Variants in CACNA2D2 observed in about 807,000 individuals in gnomAD.
The protein encoded by CACNA2D2 is voltage-dependent calcium channel subunit alpha-2/delta-2.
CACNA2D2 carries 48 observed loss-of-function variants against 166.4 expected under a neutral mutation model. The ratio of observed to expected loss-of-function variants is 0.29; its 90% confidence interval spans 0.23 to 0.37. The LOEUF is 0.37. CACNA2D2 is among the 10% of genes least tolerant of loss of function. The probability of loss-of-function intolerance (pLI) is 1.00; values close to 1 mark genes in which losing one functional copy is unlikely to be tolerated. For missense variants in CACNA2D2, 1,122 were observed against 1,433.0 expected, an observed-to-expected ratio of 0.78 and a Z score of 3.50; for synonymous variants, 561 against 573.7, an observed-to-expected ratio of 0.98 and a Z score of 0.32.
intron 1 of CACNA2D2, among the ~76,000 whole-genome samples, chr3:50,484,482 C>T (rs1046241955): frequency 2.6e-5 from 4 of 152,198 alleles, no homozygotes; most frequent in Non-Finnish European, 4.4e-5. Context: ...TCCCTGACCT[C>T]ACCCCTCGGT....
At chr3:50,414,853 G>A (rs577398578) in intron 3 of CACNA2D2, among the ~76,000 whole-genome samples, 35 of 152,314 alleles carry the variant, frequency 2.3e-4, no homozygotes, top group African/African-American at 7.2e-4. Context: ...GCAGGGCTCC[G>A]GGAGCCCACA....
intron 13 of CACNA2D2, among the ~76,000 whole-genome samples, chr3:50,378,589 T>C (rs1210205549): frequency 6.6e-6 from 1 of 152,206 alleles, no homozygotes; most frequent in Non-Finnish European, 1.5e-5. Context: ...CTGAGGTCCC[T>C]CATTTTAGGG....
At position 50,366,355 on chromosome 3, in the gene CACNA2D2, G is replaced by A; in HGVS notation, c.2638-17C>T. ...GAGTAAGTCCTAGGAGGAAGGGAAT[G>A]GGGAGGAAAATGGAGAGGGGCTGGG... On this transcript the variant is annotated splice_polypyrimidine_tract_variant and intron_variant, in intron 30 of 37. Coordinates refer to ENST00000424201, the MANE Select transcript of CACNA2D2 (RefSeq NM_006030.4). The surrounding 1 kb of genome is among the most constrained non-coding windows in gnomAD (Gnocchi z 5.9). 1 of 1,613,358 alleles carries A rather than the reference G, an allele frequency of 6.2e-7. No individual in the cohort carries two copies. Among genetic ancestry groups the A allele is most frequent in the Non-Finnish European group, 8.5e-7 (1 of 1,179,398 alleles).
chr3:50,450,798 C>A (rs1265523064), intron 2 of CACNA2D2, among the ~76,000 whole-genome samples: 4 of 152,252 alleles, frequency 2.6e-5, no homozygotes, highest in South Asian at 4.1e-4. Flanking sequence ...ACAGTCACAT[C>A]CGCAAGACGC....
chr3:50,411,082 C>T (rs1460376546), intron 3 of CACNA2D2, among the ~76,000 whole-genome samples: 1 of 152,164 alleles, frequency 6.6e-6, no homozygotes, highest in Non-Finnish European at 1.5e-5. Flanking sequence ...TGTGGGGTGG[C>T]TCACTGGGCT....
At chr3:50,422,233 T>C (rs1459416909) in intron 3 of CACNA2D2, among the ~76,000 whole-genome samples, 5 of 152,100 alleles carry the variant, frequency 3.3e-5, no homozygotes, top group African/African-American at 1.2e-4. Context: ...CCCCACTTCC[T>C]GTGGACTGGA....
intron 3 of CACNA2D2, among the ~76,000 whole-genome samples, chr3:50,420,228 A>G (rs1262449531): frequency 1.3e-5 from 2 of 152,168 alleles, no homozygotes; most frequent in Non-Finnish European, 2.9e-5. Context: ...CAAGGGGGAG[A>G]GCAGAAAAGT....
Position 50,468,829 on chromosome 3 carries a change from C to CTT in CACNA2D2, c.288+7287_288+7288dup, listed in dbSNP as rs5848893. Among the ~76,000 whole-genome samples the CTT allele has an allele frequency of 9.7e-3, 1,293 of 133,070 alleles. 13 individuals are homozygous for CTT. The highest frequency in any genetic ancestry group is 0.012 in the African/African-American group (415 of 34,598). The allele number at this position is 133,070 out of a possible 152,430, so 87.3% of individuals were successfully genotyped here. ...TACTCCATTCCATCCCCTTCTCTCT[C>CTT]TTTTTTTTTTTTTTTTTGAGATAGA... is the stretch of plus-strand genomic sequence containing the variant. On this transcript the variant is annotated intron_variant, in intron 2 of 37. Coordinates refer to ENST00000424201, the MANE Select transcript of CACNA2D2 (RefSeq NM_006030.4).
At chr3:50,440,141 T>C (rs1708520751) in intron 2 of CACNA2D2, among the ~76,000 whole-genome samples, 1 of 152,156 alleles carries the variant, frequency 6.6e-6, no homozygotes, top group Non-Finnish European at 1.5e-5. Flanking sequence ...GGCTGCCCCA[T>C]GATGGGTGCA....
intron 2 of CACNA2D2, among the ~76,000 whole-genome samples, chr3:50,473,774 C>T (rs1025990281): frequency 2.6e-5 from 4 of 152,202 alleles, no homozygotes; most frequent in Non-Finnish European, 5.9e-5. Flanking sequence ...GAACTCTACA[C>T]CTCAACCCCC....
At chr3:50,472,334 T>C (rs577292582) in intron 2 of CACNA2D2, among the ~76,000 whole-genome samples, 1 of 152,168 alleles carries the variant, frequency 6.6e-6, no homozygotes, top group Non-Finnish European at 1.5e-5. Context: ...GCGCGCAAGC[T>C]ATGAGTGGTT....
At chr3:50,433,948 G>T (rs1403630846) in intron 3 of CACNA2D2, among the ~76,000 whole-genome samples, 1 of 152,154 alleles carries the variant, frequency 6.6e-6, no homozygotes, top group Admixed American at 6.5e-5. Flanking sequence ...CCAGCAGCAG[G>T]TCACTATCCT....
intron 2 of CACNA2D2, among the ~76,000 whole-genome samples, chr3:50,444,032 C>T (rs559898523): frequency 8.5e-5 from 13 of 152,302 alleles, no homozygotes; most frequent in East Asian, 1.9e-4. Flanking sequence ...CCTCATGAGA[C>T]GGAATTGAGG....
rs1210463730 is a variant in CACNA2D2 at position 50,367,035 on chromosome 3, C to G, written c.2476G>C (p.Gly826Arg). 36 of 1,613,722 alleles carry G rather than the reference C, an allele frequency of 2.2e-5. No individual in the cohort carries two copies. The highest frequency in any genetic ancestry group is 3.1e-5 in the Non-Finnish European group (36 of 1,180,034). Reference protein sequence around the residue: ...LVSTAVELSLGRRTLRPAVVG... With the variant: ...LVSTAVELSLRRRTLRPAVVG... The stretch of plus-strand genomic sequence containing the variant: ...CCTGCTGGCCTCAGTGTGCGCCTGC[C>G]TAGGCTGAGCTCCACAGCTGTGCTG... Residue 826 changes from glycine to arginine, a missense_variant, in exon 28 of 38, where the codon GGC becomes CGC. Coordinates refer to ENST00000424201, the MANE Select transcript of CACNA2D2 (RefSeq NM_006030.4). The surrounding 1 kb of genome is among the most constrained non-coding windows in gnomAD (Gnocchi z 6.5).
Position 50,377,453 on chromosome 3 carries a change from AG to A in CACNA2D2, c.1626+13del, listed in dbSNP as rs1037956450. On this transcript the variant is annotated intron_variant, in intron 17 of 37. Transcript: ENST00000424201. ...TGGGAGGCAGGGTACGCGGATGGGCAGGGGGATGCTCACCGTGTAGTTGGGG... is the reference window on the plus strand; with the variant it reads ...TGGGAGGCAGGGTACGCGGATGGGCAGGGGATGCTCACCGTGTAGTTGGGG... 14 of 1,608,084 alleles carry A rather than the reference AG, an allele frequency of 8.7e-6. No individual in the cohort carries two copies. The highest frequency in any genetic ancestry group is 1.1e-5 in the Non-Finnish European group (13 of 1,175,798).
At chr3:50,470,010 G>A (rs1351108451) in intron 2 of CACNA2D2, among the ~76,000 whole-genome samples, 1 of 152,210 alleles carries the variant, frequency 6.6e-6, no homozygotes, top group Non-Finnish European at 1.5e-5. Flanking sequence ...CAGAGATGCT[G>A]CTCCCACAGA....
Position 50,365,394 on chromosome 3 carries a change from G to C in CACNA2D2, c.3060C>G (p.Ala1020=). The C allele has an allele frequency of 6.2e-7, 1 of 1,613,662 alleles. No homozygotes were observed. Among genetic ancestry groups the C allele is most frequent in the Non-Finnish European group, 8.5e-7 (1 of 1,179,856 alleles). Reference sequence around the variant, plus strand: ...CGCAGTCGATGATGGCGTTGTAGGAGGCGTTTACCGAGCCGAAGTAGTACT... The same window carrying C: ...CGCAGTCGATGATGGCGTTGTAGGACGCGTTTACCGAGCCGAAGTAGTACT... The part of the protein sequence containing the change: ...QTQYYFGSVN[A]SYNAIIDCGN... The change falls in exon 35 of 38, where the codon GCC becomes GCG. Residue 1020 remains alanine, a synonymous_variant. Coordinates refer to ENST00000424201, the MANE Select transcript of CACNA2D2 (RefSeq NM_006030.4). This position sits in a 1 kb window ranked among gnomAD's most constrained non-coding sequence, Gnocchi z 4.5.
intron 4 of CACNA2D2, among the ~76,000 whole-genome samples, chr3:50,390,860 C>G (rs587643542): frequency 6.6e-6 from 1 of 152,326 alleles, no homozygotes; most frequent in South Asian, 2.1e-4. Context: ...AAGTTCAGTG[C>G]TTGGAAGGTG....
At chr3:50,407,952 T>A (rs1470761915) in intron 3 of CACNA2D2, among the ~76,000 whole-genome samples, 1 of 152,200 alleles carries the variant, frequency 6.6e-6, no homozygotes, top group African/African-American at 2.4e-5. Flanking sequence ...CTCCTGGGCC[T>A]CCCTGGACTC....
Sources: gnomAD v4.1 joint callset for allele counts (sites outside exome capture counted in the v4.1 genomes callset) on GRCh38, gnomAD v4.1.1 for gene constraint, Gnocchi (gnomAD v3.1) non-coding constraint, MANE v1.5 for transcripts, NCBI Gene and HGNC (gene_info 2026-07-23, HGNC 2026-07-21) for gene names.